Variants in PITPNB observed in about 807,000 individuals in gnomAD.
PITPNB encodes phosphatidylinositol transfer protein beta isoform.
A neutral mutation model predicts 45.9 loss-of-function variants in PITPNB; 16 were observed. The ratio of observed to expected loss-of-function variants is 0.35; its 90% CI spans 0.24 to 0.53. The LOEUF (loss-of-function observed/expected upper bound fraction) is 0.53. PITPNB is among the 20% of genes least tolerant of loss of function. PITPNB has a pLI of 0.93. For synonymous variants in PITPNB, 112 were observed against 108.9 expected (o/e 1.03, Z -0.18); for missense variants, 188 against 330.5 (o/e 0.57, Z 3.34).
chr22:27,897,014 A>G (rs117280846), intron 5 of PITPNB, 116 bp downstream of exon 5: 20,970 of 789,730 alleles, frequency 0.027, 510 homozygotes, highest in Admixed American at 0.074. Context: ...TTGGTGGGAC[A>G]CAGGAAGGAA....
chr22:27,858,291 AAC>A (rs1458274876), intron 10 of PITPNB, 94 bp downstream of exon 10: 1 of 973,670 alleles, frequency 1.0e-6, no homozygotes, highest in African/African-American at 1.7e-5. Context: ...GATTTTTAAC[AAC>A]ACTCTTCCTA....
intron 3 of PITPNB, chr22:27,910,424 T>C (rs916624591): frequency 2.0e-5 from 3 of 152,516 alleles, no homozygotes; most frequent in African/African-American, 7.2e-5. Flanking sequence ...AGACAAAAAC[T>C]AGAAAATTCT....
At chr22:27,865,700 G>A (rs1307560481) in intron 8 of PITPNB, among the ~76,000 whole-genome samples, 4 of 152,008 alleles carry the variant, frequency 2.6e-5, no homozygotes, top group Non-Finnish European at 5.9e-5. Flanking sequence ...TACAAATGTT[G>A]CGCGGAGGGT....
At chr22:27,889,577 G>T (rs1935215843) in intron 7 of PITPNB, among the ~76,000 whole-genome samples, 1 of 152,162 alleles carries the variant, frequency 6.6e-6, no homozygotes, top group African/African-American at 2.4e-5. Flanking sequence ...CTTTCCTTCA[G>T]CCTTTTCAGC....
At chr22:27,882,231 A>G (rs1356354847) in intron 7 of PITPNB, among the ~76,000 whole-genome samples, 1 of 152,242 alleles carries the variant, frequency 6.6e-6, no homozygotes, top group Non-Finnish European at 1.5e-5. Flanking sequence ...AAAAAGAGCA[A>G]AATACCTTTT....
chr22:27,902,259 A>G lies in PITPNB; in HGVS notation c.198-4367T>C, dbSNP rs116482721. Among the ~76,000 whole-genome samples the G allele has an allele frequency of 6.9e-3, 1,047 of 152,230 alleles. 9 individuals carry two copies. The highest frequency in any genetic ancestry group is 0.023 in the African/African-American group (952 of 41,528). ...CAAGCAGAGGGAACAGCATGACTAC[A>G]GGTCCTAAGACAGCAAAAGACTTAA... On this transcript the variant is annotated intron_variant, in intron 3 of 11. Transcript: ENST00000335272.
chr22:27,867,338 GA>G (rs1314324328), intron 8 of PITPNB, among the ~76,000 whole-genome samples: 1 of 152,200 alleles, frequency 6.6e-6, no homozygotes, highest in Non-Finnish European at 1.5e-5. Flanking sequence ...TCATCGGCAA[GA>G]CTCTAGTGGC....
Position 27,875,656 on chromosome 22 carries a change from AGTATTTAACATT to A in PITPNB, c.457-1853_457-1842del, listed in dbSNP as rs2146369228. Among the ~76,000 whole-genome samples the A allele has an allele frequency of 1.3e-5, 2 of 152,380 alleles. 1 individual carries two copies. Among genetic ancestry groups the A allele is most frequent in the South Asian group, 4.1e-4 (2 of 4,828 alleles). ...CTCATTTTCTTTTTCAAACATTGAAAGTATTTAACATTGTATCAAATAATCACTTTCAGCATC... is the reference window on the plus strand; with the variant it reads ...CTCATTTTCTTTTTCAAACATTGAAAGTATCAAATAATCACTTTCAGCATC... On this transcript the variant is annotated intron_variant, in intron 7 of 11. Coordinates refer to ENST00000335272, the MANE Select transcript of PITPNB (RefSeq NM_012399.5).
intron 8 of PITPNB, among the ~76,000 whole-genome samples, chr22:27,871,521 T>C (rs1440466221): frequency 2.6e-5 from 4 of 152,218 alleles, no homozygotes; most frequent in South Asian, 2.1e-4. Flanking sequence ...AGCCACCATC[T>C]GGGCTGCTCT....
intron 2 of PITPNB, 71 bp from the exon 3 acceptor site, chr22:27,911,180 T>A: frequency 9.4e-7 from 1 of 1,063,440 alleles, no homozygotes; most frequent in Non-Finnish European, 1.4e-6. Context: ...GCTAAAATCT[T>A]AATAATATAG....
At chr22:27,876,719 C>A (rs371423699) in intron 7 of PITPNB, among the ~76,000 whole-genome samples, 165 of 151,822 alleles carry the variant, frequency 1.1e-3, no homozygotes, top group Admixed American at 1.4e-3. Flanking sequence ...CAATTTATAT[C>A]CGTATCACAA....
At chr22:27,873,961 T>G (rs1292370563) in intron 7 of PITPNB, 146 bp from the exon 8 acceptor site, 2 of 604,302 alleles carry the variant, frequency 3.3e-6, no homozygotes, top group East Asian at 5.7e-5. Context: ...GAAAAATGCT[T>G]CTTTAAGACA....
chr22:27,917,222 C>T (rs1225448313), intron 1 of PITPNB, among the ~76,000 whole-genome samples: 2 of 152,166 alleles, frequency 1.3e-5, no homozygotes, highest in Non-Finnish European at 2.9e-5. Flanking sequence ...AAGCACAGTG[C>T]GCAAATTCCC....
Position 27,885,018 on chromosome 22 carries a change from T to C in PITPNB, c.456+9537A>G, listed in dbSNP as rs16985679. Among the ~76,000 whole-genome samples, 1,499 of 151,116 alleles carry C rather than the reference T, an allele frequency of 9.9e-3. 30 individuals carry two copies. Among genetic ancestry groups the C allele is most frequent in the African/African-American group, 0.035 (1,421 of 41,180 alleles). On this transcript the variant is annotated intron_variant, in intron 7 of 11. Transcript: ENST00000335272. Reference sequence around the variant, plus strand: ...TGTGGTTCCAATTTCTTTTTTTTTTTCTAAACCATGCTCATTTTCTTTCAA... The same window carrying C: ...TGTGGTTCCAATTTCTTTTTTTTTTCCTAAACCATGCTCATTTTCTTTCAA...
chr22:27,873,828 A>G lies in PITPNB; in HGVS notation c.457-13T>C, dbSNP rs1396729149. The G allele has an allele frequency of 6.3e-7, 1 of 1,577,214 alleles. No homozygotes were observed. The highest frequency in any genetic ancestry group is 1.1e-5 in the South Asian group (1 of 90,320). On this transcript the variant is annotated splice_polypyrimidine_tract_variant and intron_variant, in intron 7 of 11. Transcript: ENST00000335272. ...CAGCTTTGTAGTCCTGCAAAGCAAA[A>G]CAAAGTCAGAGGCAGAGAAGAAAAC... is the stretch of plus-strand genomic sequence containing the variant.
At chr22:27,887,418 C>T (rs1003800444) in intron 7 of PITPNB, among the ~76,000 whole-genome samples, 2 of 152,208 alleles carry the variant, frequency 1.3e-5, no homozygotes. Flanking sequence ...AGGGTAAGAG[C>T]TGGGGCTGAC....
At chr22:27,888,641 C>T (rs529053187) in intron 7 of PITPNB, among the ~76,000 whole-genome samples, 3 of 152,304 alleles carry the variant, frequency 2.0e-5, no homozygotes, top group Non-Finnish European at 2.9e-5. Flanking sequence ...GAGAACAAAA[C>T]ACACCAATGA....
intron 8 of PITPNB, among the ~76,000 whole-genome samples, chr22:27,867,890 G>T (rs1161002209): frequency 6.6e-6 from 1 of 152,000 alleles, no homozygotes; most frequent in Admixed American, 6.6e-5. Context: ...TAAAGACATG[G>T]AACAGCTTTT....
intron 5 of PITPNB, 28 bp downstream of exon 5, chr22:27,897,102 T>C (rs373654879): frequency 6.3e-5 from 93 of 1,484,690 alleles, no homozygotes; most frequent in Non-Finnish European, 8.4e-5. Flanking sequence ...ATAAAGAAAG[T>C]ATGAGACACA....
Sources: gnomAD v4.1 joint callset for allele counts (sites outside exome capture counted in the v4.1 genomes callset) on GRCh38, gnomAD v4.1.1 for gene constraint, MANE v1.5 for transcripts, NCBI Gene and HGNC (gene_info 2026-07-23, HGNC 2026-07-21) for gene names.